The following ITGA9 variants were observed in gnomAD, a reference collection of about 807,000 sequenced individuals.
The protein encoded by ITGA9 is integrin alpha-9.
In ITGA9, 56 loss-of-function variants were observed where a neutral mutation model predicts 127.8. That is an observed-to-expected ratio of 0.44 (90% confidence interval 0.35 to 0.55). The LOEUF (loss-of-function observed/expected upper bound fraction) is 0.55. Ranked by LOEUF, ITGA9 falls within the 20% of genes least tolerant of loss-of-function variation. ITGA9 has a pLI of 0.00. For synonymous variants in ITGA9, 508 were observed against 514.5 expected, an observed-to-expected ratio of 0.99 and a Z score of 0.17; for missense variants, 1,196 against 1,347.1, an observed-to-expected ratio of 0.89 and a Z score of 1.76.
At chr3:37,628,052 C>T (rs1198336595) in intron 15 of ITGA9, among the ~76,000 whole-genome samples, 3 of 152,164 alleles carry the variant, frequency 2.0e-5, no homozygotes, top group Non-Finnish European at 4.4e-5. Flanking sequence ...CTGCTCCAAA[C>T]GCCCCCAAAC....
chr3:37,732,853 A>G, intron 19 of ITGA9, 55 bp downstream of exon 19: 1 of 1,366,214 alleles, frequency 7.3e-7, no homozygotes. Context: ...CCCTTCCACC[A>G]GCCACTGATT....
chr3:37,602,095 C>G (rs930977430), intron 15 of ITGA9, among the ~76,000 whole-genome samples: 15 of 152,124 alleles, frequency 9.9e-5, no homozygotes, highest in Admixed American at 7.2e-4. Context: ...TCCCCATGAC[C>G]CAAGCACCTC....
chr3:37,512,587 T>G (rs1028578203), intron 8 of ITGA9, among the ~76,000 whole-genome samples: 1 of 152,166 alleles, frequency 6.6e-6, no homozygotes, highest in Admixed American at 6.5e-5. Context: ...ACAAATACTT[T>G]TGTTTGGCTT....
intron 3 of ITGA9, among the ~76,000 whole-genome samples, chr3:37,477,542 G>A (rs1698506339): frequency 6.6e-6 from 1 of 152,166 alleles, no homozygotes; most frequent in Non-Finnish European, 1.5e-5. Context: ...GTTTTCCCCA[G>A]AAACAAATGA....
intron 15 of ITGA9, among the ~76,000 whole-genome samples, chr3:37,575,726 C>T (rs1222229490): frequency 6.6e-6 from 1 of 152,046 alleles, no homozygotes; most frequent in African/African-American, 2.4e-5. Context: ...AGAAGGGAGA[C>T]AGTGACCCAC....
At chr3:37,693,970 A>T (rs943383839) in intron 18 of ITGA9, among the ~76,000 whole-genome samples, 1 of 152,222 alleles carries the variant, frequency 6.6e-6, no homozygotes, top group African/African-American at 2.4e-5. Context: ...ATGATGAATG[A>T]ACTTGCTGCT....
At chr3:37,472,521 C>T (rs369712901) in intron 2 of ITGA9, among the ~76,000 whole-genome samples, 10 of 152,070 alleles carry the variant, frequency 6.6e-5, no homozygotes, top group African/African-American at 2.4e-4. Flanking sequence ...GCCTCAGCCT[C>T]CCGAGTAGCT....
intron 15 of ITGA9, among the ~76,000 whole-genome samples, chr3:37,610,213 AAATT>A (rs1217650062): frequency 7.2e-5 from 11 of 152,160 alleles, no homozygotes; most frequent in Admixed American, 6.5e-4. Flanking sequence ...TGTGTCTCCT[AAATT>A]AGATTTTACA....
chr3:37,568,191 T>C (rs1352826441), intron 15 of ITGA9, among the ~76,000 whole-genome samples: 2 of 152,254 alleles, frequency 1.3e-5, no homozygotes, highest in Non-Finnish European at 2.9e-5. Flanking sequence ...TGCCAAGGCT[T>C]GGGGCTTGTG....
chr3:37,655,075 C>G (rs1000767849), intron 17 of ITGA9, among the ~76,000 whole-genome samples: 6 of 152,170 alleles, frequency 3.9e-5, no homozygotes, highest in Admixed American at 2.0e-4. Context: ...GCCACATTTT[C>G]TTTATCCAGT....
intron 18 of ITGA9, among the ~76,000 whole-genome samples, chr3:37,708,886 T>G (rs1016498818): frequency 2.6e-5 from 4 of 152,098 alleles, no homozygotes; most frequent in African/African-American, 9.7e-5. Context: ...TGATGGCGTT[T>G]AAGTTTTAGC....
At chr3:37,559,239 C>T (rs1045423038) in intron 15 of ITGA9, among the ~76,000 whole-genome samples, 3 of 151,742 alleles carry the variant, frequency 2.0e-5, no homozygotes, top group African/African-American at 7.3e-5. Flanking sequence ...TCAAACTTTT[C>T]TGAATCTGGA....
At chr3:37,637,028 T>C (rs1261244094) in intron 16 of ITGA9, among the ~76,000 whole-genome samples, 1 of 152,344 alleles carries the variant, frequency 6.6e-6, no homozygotes, top group East Asian at 1.9e-4. Flanking sequence ...CTGTTTTGGT[T>C]ACTGTAGCCT....
At chr3:37,622,291 G>A (rs964625406) in intron 15 of ITGA9, among the ~76,000 whole-genome samples, 2 of 151,778 alleles carry the variant, frequency 1.3e-5, no homozygotes, top group Admixed American at 6.6e-5. Flanking sequence ...GGGTTTCACC[G>A]TGTTAGCCAG....
chr3:37,782,866 G>A (rs745841000), intron 25 of ITGA9, among the ~76,000 whole-genome samples: 1 of 152,214 alleles, frequency 6.6e-6, no homozygotes, highest in African/African-American at 2.4e-5. Flanking sequence ...GGAGCCGGGC[G>A]CAGTGGCTCA....
chr3:37,792,616 G>C (rs1019103801), intron 26 of ITGA9, among the ~76,000 whole-genome samples: 12 of 152,282 alleles, frequency 7.9e-5, no homozygotes, highest in South Asian at 6.2e-4. Context: ...ACCTAGGCAG[G>C]GTCCATGCCA....
chr3:37,812,000 A>C (rs1258239971), intron 27 of ITGA9, among the ~76,000 whole-genome samples: 1 of 152,212 alleles, frequency 6.6e-6, no homozygotes, highest in Admixed American at 6.5e-5. Context: ...TGGCTCAGAG[A>C]ATGTGTAAGG....
In ITGA9 at chr3:37,799,271, C is replaced by G. The variant is rs577574837; in HGVS notation, c.2890-4552C>G. Among the ~76,000 whole-genome samples the G allele has an allele frequency of 6.6e-6, 1 of 152,116 alleles. No homozygotes were observed. The highest frequency in any genetic ancestry group is 1.5e-5 in the Non-Finnish European group (1 of 68,028). The stretch of plus-strand genomic sequence containing the variant: ...TTGACTCACTGCAGCCTCCACCTCC[C>G]GGGCTCAAGTGATTCTCCTGCCTCA... On this transcript the variant is annotated intron_variant, in intron 26 of 27. Coordinates refer to ENST00000264741, the MANE Select transcript of ITGA9 (RefSeq NM_002207.3). The surrounding 1 kb of genome is among the most constrained non-coding windows in gnomAD (Gnocchi z 4.0).
In ITGA9 at chr3:37,502,545, A is replaced by G. The variant is rs1698797472; in HGVS notation, c.613-633A>G. ...TCTGTTTTTAACAGTGATACCGTCT[A>G]TTGCTGCCTTGTGGTCCCCTCTTCC... On this transcript the variant is annotated intron_variant, in intron 5 of 27. Transcript: ENST00000264741. Among the ~76,000 whole-genome samples, 6 of 152,190 alleles carry G rather than the reference A, an allele frequency of 3.9e-5. No homozygotes were observed. In the South Asian group the frequency reaches 1.2e-3, roughly 32 times the overall value.
Sources: gnomAD v4.1 joint callset for allele counts (sites outside exome capture counted in the v4.1 genomes callset) on GRCh38, gnomAD v4.1.1 for gene constraint, Gnocchi (gnomAD v3.1) non-coding constraint, MANE v1.5 for transcripts, NCBI Gene and HGNC (gene_info 2026-07-23, HGNC 2026-07-21) for gene names.